RC3H1: variants seen among roughly 807,000 people sequenced by gnomAD.
RC3H1 encodes the protein roquin-1.
A neutral mutation model predicts 138.2 loss-of-function variants in RC3H1; 50 were observed. That is an observed-to-expected ratio of 0.36 (90% CI 0.29 to 0.46). RC3H1 has a LOEUF of 0.46. RC3H1 is among the 20% of genes least tolerant of loss of function. The probability of loss-of-function intolerance (pLI) is 1.00; values close to 1 mark genes in which losing one functional copy is unlikely to be tolerated. For missense variants in RC3H1, 1,031 were observed against 1,388.1 expected (o/e 0.74, Z 4.09); for synonymous variants, 462 against 489.1 (o/e 0.94, Z 0.73).
intron 19 of RC3H1, among the ~76,000 whole-genome samples, chr1:173,939,803 C>A (rs950140581): frequency 4.0e-5 from 6 of 151,772 alleles, no homozygotes; most frequent in African/African-American, 1.5e-4. Flanking sequence ...CCATTGCACT[C>A]CAGCCTGGGT....
chr1:173,965,915 C>A (rs183391138), intron 9 of RC3H1, among the ~76,000 whole-genome samples: 1 of 152,204 alleles, frequency 6.6e-6, no homozygotes, highest in South Asian at 2.1e-4. Flanking sequence ...CTGAAGCGGG[C>A]GAATCACTTG....
rs1294294311 is a variant in RC3H1, at chr1:174,015,238, T to C, written c.-151+6858A>G. 2.7e-5 allele frequency among the ~76,000 whole-genome samples: 4 copies of C among 148,918 alleles called. No individual in the cohort carries two copies. The East Asian group carries it at 5.8e-4, about 22-fold the overall frequency. On this transcript the variant is annotated intron_variant, in intron 1 of 19. Transcript: ENST00000367696. ...TGATTTAGTTCATTAATTTTTCTGA[T>C]AATTATAGGCCTTTTTTTTTTTTTT...
chr1:174,013,268 G>C (rs1295099522), intron 1 of RC3H1, among the ~76,000 whole-genome samples: 1 of 152,004 alleles, frequency 6.6e-6, no homozygotes, highest in Non-Finnish European at 1.5e-5. Context: ...TTCTCCATGA[G>C]AGTGAATGGA....
rs1407951453 is a variant in RC3H1 at position 173,937,188 on chromosome 1, C to T, written c.*1533G>A. The T allele has an allele frequency of 6.6e-6, 1 of 152,264 alleles. No homozygotes were observed. Among genetic ancestry groups the T allele is most frequent in the Non-Finnish European group, 1.5e-5 (1 of 67,966 alleles). 9.4% of individuals were successfully genotyped at this position (152,264 alleles called of 1,614,324 possible). On this transcript the variant is annotated 3_prime_UTR_variant, in exon 20 of 20. Coordinates refer to ENST00000367696, the MANE Select transcript of RC3H1 (RefSeq NM_172071.4). Reference sequence around the variant, plus strand: ...GCAGGACTGTATTACCCTTCCCACCCCCACCACCCATTTGTTTAAGTTAAC... The same window carrying T: ...GCAGGACTGTATTACCCTTCCCACCTCCACCACCCATTTGTTTAAGTTAAC...
At chr1:174,010,477 T>C (rs1038133126) in intron 1 of RC3H1, among the ~76,000 whole-genome samples, 19 of 152,268 alleles carry the variant, frequency 1.2e-4, no homozygotes, top group African/African-American at 4.6e-4. Context: ...TGCAGTAGCA[T>C]GATCAGAGCT....
Position 173,931,971 on chromosome 1 carries a change from A to G in RC3H1, c.*6750T>C, listed in dbSNP as rs1187139213. 1.3e-5 allele frequency: 2 copies of G among 152,156 alleles called. No homozygotes were observed. The highest frequency in any genetic ancestry group is 2.9e-5 in the Non-Finnish European group (2 of 68,012). The allele number at this position is 152,156 out of a possible 1,614,324, so 9.4% of individuals were successfully genotyped here. The stretch of plus-strand genomic sequence containing the variant: ...AAGAATAGGGAGCTGTGGCAATAAA[A>G]AAACAAAAAAATGCAAGAAAACTTT... On this transcript the variant is annotated 3_prime_UTR_variant, in exon 20 of 20. Transcript: ENST00000367696.
At chr1:173,987,761 C>T (rs575318250) in intron 2 of RC3H1, among the ~76,000 whole-genome samples, 253 of 152,150 alleles carry the variant, frequency 1.7e-3, no homozygotes, top group Non-Finnish European at 2.8e-3. Flanking sequence ...GAGATACACA[C>T]GAGATATCTC....
intron 13 of RC3H1, among the ~76,000 whole-genome samples, chr1:173,959,848 G>A (rs1480373167): frequency 6.6e-6 from 1 of 152,044 alleles, no homozygotes; most frequent in Non-Finnish European, 1.5e-5. Flanking sequence ...TCTCATGCCT[G>A]TAATCCCAAC....
chr1:173,942,013 C>T (rs534998017), intron 18 of RC3H1, among the ~76,000 whole-genome samples: 3 of 148,948 alleles, frequency 2.0e-5, no homozygotes, highest in African/African-American at 7.4e-5. Flanking sequence ...CTGAGGTGGG[C>T]GTATCACCCG....
intron 10 of RC3H1, 41 bp from the exon 11 acceptor site, chr1:173,964,228 C>T: frequency 6.9e-7 from 1 of 1,442,012 alleles, no homozygotes; most frequent in Admixed American, 1.7e-5. Flanking sequence ...AAAAATACTT[C>T]TCATGTGCAT....
At chr1:174,012,279 G>A in intron 1 of RC3H1, among the ~76,000 whole-genome samples, 1 of 151,852 alleles carries the variant, frequency 6.6e-6, no homozygotes, top group East Asian at 1.9e-4. Context: ...TTTGCATCGA[G>A]AGAATCAGCT....
chr1:173,972,945 G>A (rs1660428513), intron 7 of RC3H1, among the ~76,000 whole-genome samples: 2 of 152,192 alleles, frequency 1.3e-5, no homozygotes, highest in Non-Finnish European at 2.9e-5. Flanking sequence ...CTGCTGAACT[G>A]GGGAGCATGT....
intron 6 of RC3H1, 31 bp from the exon 7 acceptor site, chr1:173,978,651 A>C: frequency 1.3e-6 from 2 of 1,587,676 alleles, no homozygotes; most frequent in Non-Finnish European, 8.6e-7. Context: ...ACTTTCCCAA[A>C]GGTCAGATAA....
chr1:173,943,489 G>A lies in RC3H1; in HGVS notation c.3088C>T (p.His1030Tyr). The change falls in exon 18 of 20, where the codon CAC (histidine) becomes TAC (tyrosine). Residue 1030 changes from histidine to tyrosine, a missense_variant. His to Tyr is a moderately conservative substitution (Grantham distance 83). This residue lies in a region of RC3H1 where 716 missense variants were observed against 837.9 expected (regional missense o/e 0.85). Coordinates refer to ENST00000367696, the MANE Select transcript of RC3H1 (RefSeq NM_172071.4). ...ISSEQLSLEL[H>Y]QVEREIGKRT... is the part of the protein sequence containing the mutation. ...TTCCCGATTTCCCTTTCCACCTGGT[G>A]CAGTTCCAAGCTCAACTGCTCACTT... 5 of 1,613,920 alleles carry A rather than the reference G, an allele frequency of 3.1e-6. No individual in the cohort carries two copies. Among genetic ancestry groups the A allele is most frequent in the East Asian group, 2.2e-5 (1 of 44,864 alleles).
chr1:173,951,571 C>T (rs769224224), intron 14 of RC3H1, among the ~76,000 whole-genome samples: 6 of 151,842 alleles, frequency 4.0e-5, no homozygotes, highest in Non-Finnish European at 7.4e-5. Flanking sequence ...GACGGAGTCT[C>T]GCTTTGTCAC....
At chr1:173,995,676 G>C (rs1298821757) in intron 1 of RC3H1, among the ~76,000 whole-genome samples, 2 of 152,124 alleles carry the variant, frequency 1.3e-5, no homozygotes, top group Non-Finnish European at 2.9e-5. Flanking sequence ...TCACTTTATT[G>C]TTTTCAATGT....
At chr1:173,995,729 T>A (rs909378886) in intron 1 of RC3H1, among the ~76,000 whole-genome samples, 1 of 152,142 alleles carries the variant, frequency 6.6e-6, no homozygotes, top group Non-Finnish European at 1.5e-5. Flanking sequence ...CAGTCCACTA[T>A]GATCTCCTTC....
chr1:173,964,018 G>A lies in RC3H1; in HGVS notation c.1786C>T (p.Pro596Ser). The change falls in exon 11 of 20, where the codon CCT (proline) becomes TCT (serine). Residue 596 changes from proline to serine, a missense_variant. Pro to Ser is a moderately conservative substitution (Grantham distance 74). Around this residue, in one of 7 missense-constraint regions of RC3H1, gnomAD observed 716 missense variants for 837.9 expected, o/e 0.85. Transcript: ENST00000367696. The stretch of plus-strand genomic sequence containing the variant: ...TCAAATGGCGGAGCTGCTCCTCGAG[G>A]ATCCTGATAATAAACATCCGTCTGT... ...AQQTDVYYQD[P>S]RGAAPPFEPA... 1 of 1,614,120 alleles carries A rather than the reference G, an allele frequency of 6.2e-7. No individual in the cohort carries two copies.
chr1:173,986,259 A>T (rs1661028270), intron 2 of RC3H1, among the ~76,000 whole-genome samples: 1 of 152,222 alleles, frequency 6.6e-6, no homozygotes, highest in Non-Finnish European at 1.5e-5. Flanking sequence ...CAATATCAAC[A>T]TATTCATAAT....
Sources: gnomAD v4.1 joint callset for allele counts (sites outside exome capture counted in the v4.1 genomes callset) on GRCh38, gnomAD v4.1.1 for gene constraint, gnomAD v4.1.1 regional missense constraint, MANE v1.5 for transcripts, NCBI Gene and HGNC (gene_info 2026-07-23, HGNC 2026-07-21) for gene names.